The following KCMF1 variants were observed in gnomAD, a reference collection of about 807,000 sequenced individuals.
The protein encoded by KCMF1 is potassium channel modulatory factor 1, also known as E3 ubiquitin-protein ligase KCMF1.
KCMF1 carries 3 observed loss-of-function variants against 41.1 expected under a neutral mutation model. That is an observed-to-expected ratio of 0.07 (90% CI 0.03 to 0.19). KCMF1 has a LOEUF of 0.19. KCMF1 is among the 10% of genes least tolerant of loss of function. The probability of loss-of-function intolerance (pLI) is 1.00; values close to 1 mark genes in which losing one functional copy is unlikely to be tolerated. For synonymous variants in KCMF1, 142 were observed against 164.5 expected, an observed-to-expected ratio of 0.86 and a Z score of 1.04; for missense variants, 286 against 488.9, an observed-to-expected ratio of 0.58 and a Z score of 3.91.
chr2:84,976,482 C>G (rs1323018246), intron 1 of KCMF1, among the ~76,000 whole-genome samples: 3 of 151,842 alleles, frequency 2.0e-5, no homozygotes, highest in African/African-American at 7.3e-5. Flanking sequence ...CTGGGATTAC[C>G]GGTATGAGCC....
Position 85,058,797 on chromosome 2 carries a change from C to G in KCMF1, c.*5388C>G, listed in dbSNP as rs1396276183. 6.6e-6 allele frequency: 1 copy of G among 152,126 alleles called. No homozygotes were observed. The highest frequency in any genetic ancestry group is 1.5e-5 in the Non-Finnish European group (1 of 68,026). The allele number at this position is 152,126 out of a possible 1,614,324, so 9.4% of individuals were successfully genotyped here. A position where few individuals can be genotyped will look rare whatever the true frequency, so the allele number is the denominator to read the frequency against. ...AATCAGAGCTGGTGAGTGAGCTGCT[C>G]CCTTAAATCTACCAAATTAGACTGA... On this transcript the variant is annotated 3_prime_UTR_variant, in exon 7 of 7. Coordinates refer to ENST00000409785, the MANE Select transcript of KCMF1 (RefSeq NM_020122.5).
intron 1 of KCMF1, among the ~76,000 whole-genome samples, chr2:85,017,185 C>T (rs946944172): frequency 4.0e-5 from 6 of 151,828 alleles, no homozygotes; most frequent in Admixed American, 6.6e-5. Context: ...CCACTGCGCC[C>T]GGCTAATTTT....
At chr2:84,990,508 A>C (rs1674016503) in intron 1 of KCMF1, among the ~76,000 whole-genome samples, 1 of 152,158 alleles carries the variant, frequency 6.6e-6, no homozygotes, top group Non-Finnish European at 1.5e-5. Flanking sequence ...TCTGAAGAAA[A>C]TAAAGTAGAG....
Position 84,971,477 on chromosome 2 carries a change from G to GC in KCMF1, c.16+15dup. ...ATGTCCCGACATGAAGGTGAGAGGA[G>GC]CCCCCGCCCCCACCCGCACCTCCCG... On this transcript the variant is annotated intron_variant, in intron 1 of 6. Coordinates refer to ENST00000409785, the MANE Select transcript of KCMF1 (RefSeq NM_020122.5). 7.9e-7 allele frequency: 1 copy of GC among 1,259,550 alleles called. No individual in the cohort carries two copies. Among genetic ancestry groups the GC allele is most frequent in the Non-Finnish European group, 1.0e-6 (1 of 980,328 alleles). 78.0% of individuals were successfully genotyped at this position (1,259,550 alleles called of 1,614,324 possible). A position where few individuals can be genotyped will look rare whatever the true frequency, so the allele number is the denominator to read the frequency against.
rs908551915 is a variant in KCMF1 at position 85,028,779 on chromosome 2, C to T, written c.184+723C>T. ...CTGGGATTACAGGCGTAAGCCACCG[C>T]GCCCGGCCTTACTTTTTACGTACTA... On this transcript the variant is annotated intron_variant, in intron 2 of 6. Coordinates refer to ENST00000409785, the MANE Select transcript of KCMF1 (RefSeq NM_020122.5). Among the ~76,000 whole-genome samples the T allele has an allele frequency of 4.6e-5, 7 of 151,688 alleles. No individual in the cohort carries two copies. The South Asian group carries it at 1.0e-3, about 23-fold the overall frequency.
At chr2:85,019,719 AAT>A (rs1357484312) in intron 1 of KCMF1, among the ~76,000 whole-genome samples, 8 of 151,460 alleles carry the variant, frequency 5.3e-5, no homozygotes, top group Non-Finnish European at 7.4e-5. Context: ...GTTTGACTTA[AAT>A]ATATATGTGT....
rs1675942546 is a variant in KCMF1, at chr2:85,056,786, G to T, written c.*3377G>T. On this transcript the variant is annotated 3_prime_UTR_variant, in exon 7 of 7. Transcript: ENST00000409785. ...TAAAAGCTCTTAACAGTTTTGTAGA[G>T]AAGCCCTGCAGCCGTGTTTACTATA... 1 of 152,186 alleles carries T rather than the reference G, an allele frequency of 6.6e-6. No individual in the cohort carries two copies. Among genetic ancestry groups the T allele is most frequent in the Admixed American group, 6.5e-5 (1 of 15,280 alleles). The allele number at this position is 152,186 out of a possible 1,614,324, so 9.4% of individuals were successfully genotyped here. A position where few individuals can be genotyped will look rare whatever the true frequency, so the allele number is the denominator to read the frequency against.
chr2:84,972,222 G>A (rs1275570974), intron 1 of KCMF1: 2 of 152,290 alleles, frequency 1.3e-5, no homozygotes, highest in African/African-American at 2.4e-5. Flanking sequence ...ACCAGACCAG[G>A]TTTTGGAAAA....
At position 85,049,585 on chromosome 2, in the gene KCMF1, C is replaced by A; in HGVS notation, c.821C>A (p.Thr274Asn). 6.2e-7 allele frequency: 1 copy of A among 1,613,966 alleles called. No individual in the cohort carries two copies. Among genetic ancestry groups the A allele is most frequent in the South Asian group, 1.1e-5 (1 of 91,084 alleles). The change falls in exon 6 of 7, where the codon ACC (threonine) becomes AAC (asparagine). Residue 274 changes from threonine (T) to asparagine (N), a missense_variant. Transcript: ENST00000409785. ...ACAATCACACAATCCACAGCAACAA[C>A]CAACATAGCTAATACAGAAAGCAGT... The part of the protein sequence containing the change: ...TTTITQSTAT[T>N]NIANTESSQQ...
chr2:85,044,915 C>CT (rs565301827), intron 4 of KCMF1, among the ~76,000 whole-genome samples: 70 of 152,210 alleles, frequency 4.6e-4, no homozygotes, highest in Non-Finnish European at 8.4e-4. Context: ...ATTTTGTGGA[C>CT]TCAATGCTTC....
chr2:84,977,603 T>G (rs1165433723), intron 1 of KCMF1, among the ~76,000 whole-genome samples: 1 of 151,754 alleles, frequency 6.6e-6, no homozygotes, highest in Non-Finnish European at 1.5e-5. Flanking sequence ...TTTTCTTTTT[T>G]GTAGAGACTG....
intron 1 of KCMF1, among the ~76,000 whole-genome samples, chr2:85,017,287 A>G (rs1002207873): frequency 2.7e-5 from 4 of 149,074 alleles, no homozygotes; most frequent in Non-Finnish European, 4.5e-5. Context: ...CGGCCTCCCA[A>G]AGTGCTGGGA....
intron 3 of KCMF1, among the ~76,000 whole-genome samples, chr2:85,041,552 A>G (rs1012761756): frequency 3.9e-5 from 6 of 152,284 alleles, no homozygotes; most frequent in Non-Finnish European, 5.9e-5. Flanking sequence ...CCGAAGGCCA[A>G]TCTAAAGGAA....
intron 1 of KCMF1, among the ~76,000 whole-genome samples, chr2:84,972,780 A>G (rs1002944663): frequency 1.3e-5 from 2 of 152,356 alleles, no homozygotes; most frequent in Non-Finnish European, 2.9e-5. Context: ...AATTGACTCA[A>G]CATTCTGTGT....
intron 1 of KCMF1, among the ~76,000 whole-genome samples, chr2:85,020,504 C>G (rs1362780436): frequency 6.6e-6 from 1 of 152,180 alleles, no homozygotes; most frequent in South Asian, 2.1e-4. Flanking sequence ...TCTCCGCTCA[C>G]TGCAGTCTCA....
intron 1 of KCMF1, among the ~76,000 whole-genome samples, chr2:84,988,775 C>T (rs976431937): frequency 6.6e-6 from 1 of 152,198 alleles, no homozygotes; most frequent in African/African-American, 2.4e-5. Context: ...CATGTTCATT[C>T]ATGTTTAGTT....
intron 5 of KCMF1, among the ~76,000 whole-genome samples, chr2:85,046,644 A>C (rs1480490479): frequency 6.6e-6 from 1 of 152,088 alleles, no homozygotes; most frequent in African/African-American, 2.4e-5. Context: ...AAAAAAAAAA[A>C]AACTTTTTGT....
At chr2:85,011,760 A>G (rs1674657632) in intron 1 of KCMF1, among the ~76,000 whole-genome samples, 1 of 152,214 alleles carries the variant, frequency 6.6e-6, no homozygotes, top group South Asian at 2.1e-4. Flanking sequence ...AGGGATTCTG[A>G]ATAAATGAGT....
At chr2:85,008,000 T>C (rs962729585) in intron 1 of KCMF1, among the ~76,000 whole-genome samples, 3 of 151,924 alleles carry the variant, frequency 2.0e-5, no homozygotes, top group Non-Finnish European at 4.4e-5. Flanking sequence ...TGACCTCAAG[T>C]GATCCACCCA....
Sources: gnomAD v4.1 joint callset for allele counts (sites outside exome capture counted in the v4.1 genomes callset) on GRCh38, gnomAD v4.1.1 for gene constraint, MANE v1.5 for transcripts, NCBI Gene and HGNC (gene_info 2026-07-23, HGNC 2026-07-21) for gene names.